The following CLASP2 variants were observed in gnomAD, a reference collection of about 807,000 sequenced individuals.
CLASP2 encodes the protein cytoplasmic linker associated protein 2, also known as CLIP-associating protein 2.
Under a neutral mutation model 194.4 loss-of-function variants are expected in CLASP2, and 47 were observed. The ratio of observed to expected loss-of-function variants is 0.24; its 90% confidence interval spans 0.19 to 0.31. The LOEUF (loss-of-function observed/expected upper bound fraction) is 0.31, where lower values mean the gene tolerates loss of function less well. CLASP2 is among the 10% of genes least tolerant of loss of function. The pLI, the probability that CLASP2 is intolerant of heterozygous loss-of-function variation, is 1.00. For synonymous variants in CLASP2, 619 were observed against 633.5 expected (o/e 0.98, Z 0.34); for missense variants, 1,445 against 1,823.6 (o/e 0.79, Z 3.78).
At position 33,543,492 on chromosome 3, in the gene CLASP2, A is replaced by G; in HGVS notation, c.3345T>C (p.Ala1115=). The change falls in exon 32 of 39, where the codon GCT becomes GCC. Residue 1115 remains alanine (A), a synonymous_variant. Coordinates refer to ENST00000682230, the MANE Select transcript of CLASP2 (RefSeq NM_001365631.1). ...GAGAAGTAAGAGGACTGGACCAGTT[A>G]GCTGGTGATCGTGGTGTTGGTCTTG... ...PLTRPTPRSP[A]NWSSPLTSPT... The G allele has an allele frequency of 1.2e-6, 2 of 1,613,662 alleles. No homozygotes were observed. Among genetic ancestry groups the G allele is most frequent in the African/African-American group, 1.3e-5 (1 of 75,054 alleles).
chr3:33,695,238 TTTG>T lies in CLASP2; in HGVS notation c.274+1614_274+1616del, dbSNP rs1200495831. ...CCTGCTAATTTTTTTTTTTTTTTTT[TTTG>T]GTAGAAACATGGTCTCACTCTATTG... On this transcript the variant is annotated intron_variant, in intron 2 of 38. Coordinates refer to ENST00000682230, the MANE Select transcript of CLASP2 (RefSeq NM_001365631.1). Among the ~76,000 whole-genome samples, 5 of 146,690 alleles carry T rather than the reference TTTG, an allele frequency of 3.4e-5. No individual in the cohort carries two copies. In the South Asian group the frequency reaches 6.6e-4, roughly 19 times the overall value.
At chr3:33,602,470 T>G (rs539775238) in intron 18 of CLASP2, 118 of 712,772 alleles carry the variant, frequency 1.7e-4, no homozygotes, top group Admixed American at 6.2e-4. Context: ...ACTTTTTAAT[T>G]TGATAGACAT....
intron 10 of CLASP2, among the ~76,000 whole-genome samples, chr3:33,625,923 T>C (rs2154286620): frequency 6.6e-6 from 1 of 152,200 alleles, no homozygotes; most frequent in African/African-American, 2.4e-5. Context: ...AGACCATCTG[T>C]TGTTTCCAAA....
At chr3:33,711,682 A>T (rs897075737) in intron 1 of CLASP2, among the ~76,000 whole-genome samples, 1 of 152,214 alleles carries the variant, frequency 6.6e-6, no homozygotes, top group Non-Finnish European at 1.5e-5. Context: ...AAGGAAAAAA[A>T]AACCAAATTA....
intron 34 of CLASP2, among the ~76,000 whole-genome samples, chr3:33,527,867 G>A (rs1322877732): frequency 6.6e-6 from 1 of 152,146 alleles, no homozygotes; most frequent in Non-Finnish European, 1.5e-5. Flanking sequence ...GGAGGCTGAG[G>A]CAGGAGAATT....
rs1052562373 is a variant in CLASP2 at position 33,500,485 on chromosome 3, T to G, written c.4434+1167A>C. On this transcript the variant is annotated intron_variant, in intron 38 of 38. Transcript: ENST00000682230. Reference sequence around the variant, plus strand: ...CATTAACTCTTTGATCCAAGAGTTTTTAACCTGCTAGCCATGGGATTCACG... The same window carrying G: ...CATTAACTCTTTGATCCAAGAGTTTGTAACCTGCTAGCCATGGGATTCACG... Among the ~76,000 whole-genome samples the G allele has an allele frequency of 2.6e-5, 4 of 152,344 alleles. No homozygotes were observed. In the South Asian group the frequency reaches 8.3e-4, roughly 32 times the overall value.
At chr3:33,587,359 C>G (rs1053832490) in intron 21 of CLASP2, among the ~76,000 whole-genome samples, 2 of 152,116 alleles carry the variant, frequency 1.3e-5, no homozygotes, top group African/African-American at 4.8e-5. Flanking sequence ...CTCCTGACTT[C>G]ATGATCCGCC....
chr3:33,579,963 G>T (rs916371556), intron 23 of CLASP2, among the ~76,000 whole-genome samples: 1 of 152,168 alleles, frequency 6.6e-6, no homozygotes, highest in African/African-American at 2.4e-5. Context: ...CCACGTATAT[G>T]TGCATGCGCA....
chr3:33,509,585 T>C (rs919202633), intron 37 of CLASP2, among the ~76,000 whole-genome samples: 1 of 152,184 alleles, frequency 6.6e-6, no homozygotes, highest in Non-Finnish European at 1.5e-5. Context: ...CCTCCCAATT[T>C]AGTAATATTA....
chr3:33,549,087 C>A lies in CLASP2; in HGVS notation c.3153+2165G>T, dbSNP rs1372224229. ...GATTACAGGTGTGTGCCACCACACC[C>A]AGCACATTTGTAATTCCAGTAATTT... On this transcript the variant is annotated intron_variant, in intron 30 of 38. Transcript: ENST00000682230. 2.6e-5 allele frequency among the ~76,000 whole-genome samples: 4 copies of A among 152,064 alleles called. No individual in the cohort carries two copies. The East Asian group carries it at 7.7e-4, about 29-fold the overall frequency.
intron 34 of CLASP2, among the ~76,000 whole-genome samples, chr3:33,520,113 A>C (rs1267344805): frequency 1.3e-5 from 2 of 152,142 alleles, no homozygotes; most frequent in East Asian, 3.9e-4. Flanking sequence ...TCCAAGGTTC[A>C]AGCCATTCTC....
At chr3:33,602,753 C>T (rs994056801) in intron 18 of CLASP2, 199 bp downstream of exon 18, 23 of 686,298 alleles carry the variant, frequency 3.4e-5, no homozygotes, top group Admixed American at 2.8e-4. Flanking sequence ...TTGATCAAGA[C>T]GATGATGAGA....
Position 33,603,009 on chromosome 3 carries a change from C to T in CLASP2, c.1867G>A (p.Val623Met), listed in dbSNP as rs200748001. 262 of 1,609,904 alleles carry T rather than the reference C, an allele frequency of 1.6e-4. No homozygotes were observed. The highest frequency in any genetic ancestry group is 1.1e-4 in the Non-Finnish European group (126 of 1,178,024). The change falls in exon 18 of 39, where the codon GTG becomes ATG. Residue 623 changes from valine to methionine, a missense_variant. Val to Met is a conservative substitution (Grantham distance 21). Coordinates refer to ENST00000682230, the MANE Select transcript of CLASP2 (RefSeq NM_001365631.1). ...CCTGCACCTAAGCGCCCGCTTCGCA[C>T]AGACTGTCCAGCAGCATGATGTGCC... is the stretch of plus-strand genomic sequence containing the variant. The part of the protein sequence containing the change: ...AKAHHAAGQS[V>M]RSGRLGAGAL...
intron 13 of CLASP2, among the ~76,000 whole-genome samples, 189 bp from the exon 14 acceptor site, chr3:33,608,815 C>A (rs1031512994): frequency 7.2e-6 from 1 of 139,284 alleles, no homozygotes; most frequent in African/African-American, 2.7e-5. Context: ...TGCAGTGGCG[C>A]GATCTCGGCT....
At chr3:33,526,094 T>C (rs1300817879) in intron 34 of CLASP2, among the ~76,000 whole-genome samples, 6 of 151,768 alleles carry the variant, frequency 4.0e-5, no homozygotes, top group African/African-American at 1.2e-4. Flanking sequence ...TTTTTTTTTT[T>C]AATTTATAGC....
At chr3:33,606,535 A>G in intron 16 of CLASP2, 56 bp downstream of exon 16, 2 of 1,419,450 alleles carry the variant, frequency 1.4e-6, no homozygotes, top group Non-Finnish European at 1.9e-6. Flanking sequence ...AACTTATGAA[A>G]CTTCAGGGAG....
rs768352840 is a variant in CLASP2, at chr3:33,497,638, T to A, written c.*993A>T. The A allele has an allele frequency of 6.6e-5, 10 of 152,560 alleles. No homozygotes were observed. The highest frequency in any genetic ancestry group is 9.7e-5 in the African/African-American group (4 of 41,440). 9.5% of individuals were successfully genotyped at this position (152,560 alleles called of 1,614,324 possible). On this transcript the variant is annotated 3_prime_UTR_variant, in exon 39 of 39. Transcript: ENST00000682230. The stretch of plus-strand genomic sequence containing the variant: ...AATATTTTCAAGTAAGACAATTTCA[T>A]GGTAAAAGGAAACCAGGTTCCACCA...
At chr3:33,700,852 A>G (rs1575687624) in intron 1 of CLASP2, among the ~76,000 whole-genome samples, 1 of 152,196 alleles carries the variant, frequency 6.6e-6, no homozygotes. Context: ...CTCCGTCTCA[A>G]AAAAATAAAA....
rs777610166 is a variant in CLASP2, at chr3:33,627,083, TA to T, written c.943-4del. ...TCGAGTTCTCGACTAGAATAAATCT[TA>T]AAAAAAAGATTCAGAATTATAACAA... On this transcript the variant is annotated splice_region_variant and splice_polypyrimidine_tract_variant and intron_variant, in intron 9 of 38. Transcript: ENST00000682230. The T allele has an allele frequency of 1.8e-5, 26 of 1,453,520 alleles. No homozygotes were observed. The highest frequency in any genetic ancestry group is 4.2e-5 in the African/African-American group (3 of 71,300). 90.0% of individuals were successfully genotyped at this position (1,453,520 alleles called of 1,614,324 possible).
Sources: allele counts gnomAD v4.1 joint callset (sites outside exome capture counted in the v4.1 genomes callset), GRCh38; gene constraint gnomAD v4.1.1; transcripts MANE v1.5; gene names NCBI Gene and HGNC (gene_info 2026-07-23, HGNC 2026-07-21).